Variants in CCDC30 observed in about 807,000 individuals in gnomAD.
CCDC30 encodes coiled-coil domain-containing protein 30.
CCDC30 carries 70 observed loss-of-function variants against 100.2 expected under a neutral mutation model. That is an observed-to-expected ratio of 0.70 (90% CI 0.58 to 0.85). The LOEUF (loss-of-function observed/expected upper bound fraction) is 0.85. Ranked by LOEUF, CCDC30 falls within the 40% of genes least tolerant of loss-of-function variation. CCDC30 has a pLI of 0.00. For missense variants in CCDC30, 652 were observed against 771.2 expected (o/e 0.85, Z 1.83); for synonymous variants, 233 against 269.5 (o/e 0.86, Z 1.33).
chr1:42,460,376 C>T (rs1643378241), upstream of CCDC30: 2 of 986,704 alleles, frequency 2.0e-6, no homozygotes, highest in Admixed American at 6.1e-5. Context: ...AAATCAAGTG[C>T]AATAAAGTGT....
intron 7 of CCDC30, among the ~76,000 whole-genome samples, chr1:42,568,424 T>A (rs964723288): frequency 1.3e-5 from 2 of 152,180 alleles, no homozygotes; most frequent in Non-Finnish European, 2.9e-5. Context: ...CTGTCTACTT[T>A]ATCTCTTACG....
intron 6 of CCDC30, chr1:42,510,147 G>A: frequency 3.1e-6 from 3 of 981,712 alleles, no homozygotes; most frequent in Non-Finnish European, 3.6e-6. Context: ...TTTCAATTAG[G>A]GTTGTCAATA....
intron 11 of CCDC30, among the ~76,000 whole-genome samples, chr1:42,612,240 A>T (rs527367924): frequency 6.6e-6 from 1 of 152,234 alleles, no homozygotes; most frequent in African/African-American, 2.4e-5. Context: ...CAGCAGTTAA[A>T]CAGGGTACAA....
intron 6 of CCDC30, among the ~76,000 whole-genome samples, chr1:42,528,569 C>T (rs958347785): frequency 3.3e-5 from 5 of 152,182 alleles, no homozygotes; most frequent in African/African-American, 1.2e-4. Flanking sequence ...GAGCCTCAAA[C>T]TGTAGTGTAG....
At chr1:42,462,523 T>G (rs1246392706), upstream of CCDC30, among the ~76,000 whole-genome samples, 1 of 152,138 alleles carries the variant, frequency 6.6e-6, no homozygotes. Flanking sequence ...CAAAAATTTG[T>G]GAAGTATTCT....
At chr1:42,476,705 GAT>G (rs1229744114) in intron 1 of CCDC30, among the ~76,000 whole-genome samples, 1 of 128,570 alleles carries the variant, frequency 7.8e-6, no homozygotes, top group Admixed American at 7.7e-5. Flanking sequence ...AAAAAAAAAA[GAT>G]AAAAAAATTA....
intron 6 of CCDC30, among the ~76,000 whole-genome samples, chr1:42,538,616 T>C (rs1339322488): frequency 6.6e-6 from 1 of 152,056 alleles, no homozygotes; most frequent in East Asian, 1.9e-4. Flanking sequence ...TATAAATAAA[T>C]AAATTTTTTT....
Position 42,492,240 on chromosome 1 carries a change from G to T in CCDC30, c.241+2011G>T. ...TCCAGAAGAAAATGATGGAAATTAT[G>T]ACCTGAAAGGTGCAAATGACTTGAA... On this transcript the variant is annotated intron_variant, in intron 4 of 16. Transcript: ENST00000668663. 4 of 212,564 alleles carry T rather than the reference G, an allele frequency of 1.9e-5. No homozygotes were observed. In the South Asian group the frequency reaches 2.2e-4, roughly 12 times the overall value. The allele number at this position is 212,564 out of a possible 1,614,324, so 13.2% of individuals were successfully genotyped here.
chr1:42,577,327 G>A, intron 8 of CCDC30, 98 bp downstream of exon 12: 1 of 791,496 alleles, frequency 1.3e-6, no homozygotes, highest in East Asian at 2.7e-5. Context: ...ATGCAGACTT[G>A]ATAGAATTCT....
chr1:42,573,848 A>T (rs570171654), intron 7 of CCDC30, among the ~76,000 whole-genome samples: 14 of 152,066 alleles, frequency 9.2e-5, no homozygotes, highest in African/African-American at 3.4e-4. Flanking sequence ...AATTTCATAA[A>T]TTTTTTTCTG....
chr1:42,532,978 C>T (rs1236026353), intron 6 of CCDC30, among the ~76,000 whole-genome samples: 3 of 152,076 alleles, frequency 2.0e-5, no homozygotes, highest in South Asian at 2.1e-4. Context: ...ACTGTGGTAT[C>T]GATCTCCTGA....
chr1:42,615,212 C>T (rs942034289), intron 11 of CCDC30, among the ~76,000 whole-genome samples: 1 of 152,192 alleles, frequency 6.6e-6, no homozygotes, highest in Non-Finnish European at 1.5e-5. Context: ...GCTATATTCT[C>T]ATGCTGATGC....
chr1:42,584,569 G>A (rs1646031291), intron 9 of CCDC30, among the ~76,000 whole-genome samples: 1 of 151,678 alleles, frequency 6.6e-6, no homozygotes, highest in Non-Finnish European at 1.5e-5. Context: ...CTCCAACGTG[G>A]GCAACAGGGC....
intron 9 of CCDC30, 63 bp from the exon 14 acceptor site, chr1:42,589,258 A>T: frequency 7.2e-7 from 1 of 1,394,694 alleles, no homozygotes; most frequent in Non-Finnish European, 9.7e-7. Flanking sequence ...TGCCATAAAA[A>T]TTTTAGGTCT....
chr1:42,597,128 CAAAA>C (rs987905019), intron 10 of CCDC30, among the ~76,000 whole-genome samples: 1 of 151,954 alleles, frequency 6.6e-6, no homozygotes, highest in African/African-American at 2.4e-5. Flanking sequence ...AATACTAAAA[CAAAA>C]ACAACAGAAT....
At chr1:42,601,774 T>C (rs1195721441) in intron 10 of CCDC30, among the ~76,000 whole-genome samples, 1 of 152,124 alleles carries the variant, frequency 6.6e-6, no homozygotes, top group Non-Finnish European at 1.5e-5. Flanking sequence ...AAGACAAAGA[T>C]GTAAGCCCAA....
chr1:42,549,185 AC>A, intron 6 of CCDC30, among the ~76,000 whole-genome samples: 1 of 152,196 alleles, frequency 6.6e-6, no homozygotes, highest in East Asian at 1.9e-4. Context: ...TTCCCATTTC[AC>A]CCAGAGAAGC....
At chr1:42,656,029 T>A (rs1648647357), downstream of CCDC30, among the ~76,000 whole-genome samples, 1 of 151,886 alleles carries the variant, frequency 6.6e-6, no homozygotes, top group Non-Finnish European at 1.5e-5. Flanking sequence ...CATGCCTGGC[T>A]CATTTTTGTA....
chr1:42,456,900 T>C, the CCDC30 span: 14 of 1,612,040 alleles, frequency 8.7e-6, no homozygotes, highest in East Asian at 2.0e-4. Context: ...GGCCCAGCCC[T>C]TTCGGGCTTG....
Sources: gnomAD v4.1 joint callset for allele counts (sites outside exome capture counted in the v4.1 genomes callset) on GRCh38, gnomAD v4.1.1 for gene constraint, MANE v1.5 for transcripts, NCBI Gene and HGNC (gene_info 2026-07-23, HGNC 2026-07-21) for gene names.